Variants in GALNT17 observed in about 807,000 individuals in gnomAD.
The protein encoded by GALNT17 is polypeptide N-acetylgalactosaminyltransferase 17, also known as UDP-GalNAc:polypeptide N-acetylgalactosaminyltransferase-like 3.
GALNT17 carries 29 observed loss-of-function variants against 63.7 expected under a neutral mutation model. The observed-to-expected ratio is 0.46, with a 90% CI of 0.34 to 0.62. GALNT17 has a LOEUF of 0.62. GALNT17 is among the 20% of genes least tolerant of loss of function. The pLI is 0.01. For synonymous variants in GALNT17, 305 were observed against 318.3 expected (o/e 0.96, Z 0.45); for missense variants, 603 against 799.6 (o/e 0.75, Z 2.97).
intron 1 of GALNT17, among the ~76,000 whole-genome samples, chr7:71,204,729 C>G (rs1230172977): frequency 6.6e-6 from 1 of 151,704 alleles, no homozygotes; most frequent in African/African-American, 2.4e-5. Context: ...CCATACCTGC[C>G]TACTTTGTTT....
chr7:71,377,104 AAATAAAAAAAATATAT>A lies in GALNT17; in HGVS notation c.423-11129_423-11114del, dbSNP rs1457662656. 3.4e-4 allele frequency among the ~76,000 whole-genome samples: 19 copies of A among 56,274 alleles called. 1 individual carries two copies. Among genetic ancestry groups the A allele is most frequent in the African/African-American group, 1.6e-3 (17 of 10,458 alleles). 36.9% of individuals were successfully genotyped at this position (56,274 alleles called of 152,430 possible). A position where few individuals can be genotyped will look rare whatever the true frequency, so the allele number is the denominator to read the frequency against. On this transcript the variant is annotated intron_variant, in intron 2 of 10. Coordinates refer to ENST00000333538, the MANE Select transcript of GALNT17 (RefSeq NM_022479.3). Reference sequence around the variant, plus strand: ...CCATCTCAAAAAAAAAAAAAAATAAAAATAAAAAAAATATATATATATATATATATATATATAAAAT... The same window carrying A: ...CCATCTCAAAAAAAAAAAAAAATAAAATATATATATATATATATATAAAAT...
intron 5 of GALNT17, among the ~76,000 whole-genome samples, chr7:71,504,000 G>A (rs112030764): frequency 0.01 from 1,584 of 152,126 alleles, 26 homozygotes; most frequent in African/African-American, 0.035. Flanking sequence ...AGGCCGAGGC[G>A]GGCGGATCAT....
At chr7:71,434,937 T>A (rs1222030593) in intron 5 of GALNT17, among the ~76,000 whole-genome samples, 1 of 152,206 alleles carries the variant, frequency 6.6e-6, no homozygotes, top group Non-Finnish European at 1.5e-5. Flanking sequence ...TTTGCTTTCT[T>A]CAGGGGACCA....
chr7:71,487,522 T>C (rs1583996053), intron 5 of GALNT17, among the ~76,000 whole-genome samples: 1 of 152,054 alleles, frequency 6.6e-6, no homozygotes, highest in African/African-American at 2.4e-5. Context: ...CTATAATCCC[T>C]GCACTTTGGG....
chr7:71,583,532 C>G (rs1789668943), intron 6 of GALNT17, among the ~76,000 whole-genome samples: 1 of 152,156 alleles, frequency 6.6e-6, no homozygotes, highest in Non-Finnish European at 1.5e-5. Flanking sequence ...TTCACTGTTA[C>G]ACAACGTACT....
chr7:71,253,023 A>G (rs139791598), intron 1 of GALNT17, among the ~76,000 whole-genome samples: 1 of 152,352 alleles, frequency 6.6e-6, no homozygotes, highest in Non-Finnish European at 1.5e-5. Flanking sequence ...TTTATTAAAA[A>G]TGCTCTGTGT....
chr7:71,168,229 A>G (rs938207061), intron 1 of GALNT17, among the ~76,000 whole-genome samples: 4 of 152,134 alleles, frequency 2.6e-5, no homozygotes, highest in Non-Finnish European at 5.9e-5. Flanking sequence ...TAGTTTTATA[A>G]GAAGTCTTGT....
intron 5 of GALNT17, among the ~76,000 whole-genome samples, chr7:71,454,433 T>G (rs913834198): frequency 3.9e-5 from 6 of 152,194 alleles, no homozygotes; most frequent in African/African-American, 1.4e-4. Context: ...CCATGGTGTA[T>G]ATGTACCACA....
chr7:71,552,034 A>G (rs1010981671), intron 5 of GALNT17, among the ~76,000 whole-genome samples: 1 of 149,926 alleles, frequency 6.7e-6, no homozygotes, highest in African/African-American at 2.5e-5. Flanking sequence ...TTATTTATTT[A>G]TTTATTTATT....
rs545671779 is a variant in GALNT17, at chr7:71,524,011, G to A, written c.963-47274G>A. Reference sequence around the variant, plus strand: ...CACAGGCCTGTAATCCCAGCTACTCGGGAGGCTGAGGCAGGAGAATCGCTT... The same window carrying A: ...CACAGGCCTGTAATCCCAGCTACTCAGGAGGCTGAGGCAGGAGAATCGCTT... On this transcript the variant is annotated intron_variant, in intron 5 of 10. Transcript: ENST00000333538. Among the ~76,000 whole-genome samples the A allele has an allele frequency of 3.3e-5, 5 of 150,396 alleles. No individual in the cohort carries two copies. In the East Asian group the frequency reaches 5.9e-4, roughly 18 times the overall value.
chr7:71,250,008 A>T (rs1012805328), intron 1 of GALNT17, among the ~76,000 whole-genome samples: 1 of 152,232 alleles, frequency 6.6e-6, no homozygotes, highest in African/African-American at 2.4e-5. Flanking sequence ...TCTGTTTCCA[A>T]GTTTTTCAAG....
At chr7:71,515,349 C>T (rs765934061) in intron 5 of GALNT17, among the ~76,000 whole-genome samples, 7 of 152,142 alleles carry the variant, frequency 4.6e-5, no homozygotes, top group Non-Finnish European at 7.4e-5. Context: ...TGGAATGCAG[C>T]TGGAAGGGGA....
chr7:71,631,378 A>G (rs1790450914), intron 6 of GALNT17, among the ~76,000 whole-genome samples: 1 of 151,840 alleles, frequency 6.6e-6, no homozygotes, highest in African/African-American at 2.4e-5. Flanking sequence ...TATTTTGTAG[A>G]GAGGTCTCAC....
At chr7:71,512,654 G>T (rs1788380275) in intron 5 of GALNT17, among the ~76,000 whole-genome samples, 1 of 152,312 alleles carries the variant, frequency 6.6e-6, no homozygotes, top group South Asian at 2.1e-4. Flanking sequence ...ATTTTTCAGG[G>T]CTCTCTGGTC....
intron 1 of GALNT17, among the ~76,000 whole-genome samples, chr7:71,264,819 G>T (rs200491472): frequency 6.6e-6 from 1 of 151,950 alleles, no homozygotes; most frequent in Non-Finnish European, 1.5e-5. Context: ...GATACCAGAG[G>T]CTGGGAAGGG....
chr7:71,268,222 G>T (rs1468311535), intron 1 of GALNT17, among the ~76,000 whole-genome samples: 2 of 152,044 alleles, frequency 1.3e-5, no homozygotes, highest in Non-Finnish European at 2.9e-5. Context: ...GGTCAAATGG[G>T]GAAATTTAAG....
intron 1 of GALNT17, among the ~76,000 whole-genome samples, chr7:71,190,212 A>G (rs904656729): frequency 6.6e-6 from 1 of 152,162 alleles, no homozygotes; most frequent in Non-Finnish European, 1.5e-5. Flanking sequence ...GCTTTGATAT[A>G]GTTTGAATAT....
chr7:71,199,414 T>G (rs943245632), intron 1 of GALNT17, among the ~76,000 whole-genome samples: 2 of 152,134 alleles, frequency 1.3e-5, no homozygotes, highest in Non-Finnish European at 2.9e-5. Context: ...ATCATCTGTC[T>G]GTCCACTGGC....
At chr7:71,231,333 C>T (rs531944879) in intron 1 of GALNT17, among the ~76,000 whole-genome samples, 1 of 151,476 alleles carries the variant, frequency 6.6e-6, no homozygotes, top group South Asian at 2.1e-4. Context: ...TCTGGGTTTT[C>T]CCCCAGATAT....
Sources: allele counts gnomAD v4.1 joint callset (sites outside exome capture counted in the v4.1 genomes callset), GRCh38; gene constraint gnomAD v4.1.1; transcripts MANE v1.5; gene names NCBI Gene and HGNC (gene_info 2026-07-23, HGNC 2026-07-21).